DIAPH2: variants seen among roughly 807,000 people sequenced by gnomAD.
The protein encoded by DIAPH2 is protein diaphanous homolog 2.
DIAPH2 carries 35 observed loss-of-function variants against 92.7 expected under a neutral mutation model. The ratio of observed to expected loss-of-function variants is 0.38; its 90% CI spans 0.29 to 0.50. The LOEUF (loss-of-function observed/expected upper bound fraction) is 0.50, where lower values mean the gene tolerates loss of function less well. DIAPH2 is among the 20% of genes least tolerant of loss of function. The pLI, the probability that DIAPH2 is intolerant of heterozygous loss-of-function variation, is 0.94. For synonymous variants in DIAPH2, 301 were observed against 280.4 expected (o/e 1.07, Z -0.73); for missense variants, 701 against 819.5 (o/e 0.86, Z 1.77).
intron 15 of DIAPH2, 115 bp from the exon 16 acceptor site, chrX:96,957,713 A>G (rs2065820679): frequency 3.5e-6 from 2 of 574,136 alleles, no homozygotes; most frequent in South Asian, 3.3e-5. Context: ...CTAAAAAAGT[A>G]TATATGATCT....
chrX:97,158,344 TC>T (rs1338429147), intron 22 of DIAPH2, among the ~76,000 whole-genome samples: 2 of 97,960 alleles, frequency 2.0e-5, no homozygotes, highest in African/African-American at 8.8e-5. Context: ...GGTTCTATTG[TC>T]TTGTCCAGAT....
intron 22 of DIAPH2, among the ~76,000 whole-genome samples, chrX:97,161,043 G>T (rs796376195): frequency 4.1e-4 from 34 of 83,168 alleles, no homozygotes; most frequent in African/African-American, 9.7e-4. Context: ...TTTGTTTTTT[G>T]TTTTTTTGTT....
chrX:97,499,562 A>G (rs2070781031), intron 26 of DIAPH2, among the ~76,000 whole-genome samples: 1 of 111,838 alleles, frequency 8.9e-6, no homozygotes, highest in Non-Finnish European at 1.9e-5. Context: ...AACTAAAAAT[A>G]GACCTACCAT....
chrX:97,601,753 C>T lies in DIAPH2; in HGVS notation c.*2436C>T, dbSNP rs1380254660. On this transcript the variant is annotated 3_prime_UTR_variant, in exon 27 of 27. Transcript: ENST00000324765. Reference sequence around the variant, plus strand: ...AACAACTAATTGCATCCATCATCTCCTTTGGCTGCTGTAACAAATTACCAC... The same window carrying T: ...AACAACTAATTGCATCCATCATCTCTTTTGGCTGCTGTAACAAATTACCAC... 1.8e-5 allele frequency: 2 copies of T among 112,138 alleles called. No individual in the cohort carries two copies. Among genetic ancestry groups the T allele is most frequent in the Non-Finnish European group, 3.8e-5 (2 of 53,255 alleles). 9.2% of individuals were successfully genotyped at this position (112,138 alleles called of 1,213,427 possible).
chrX:96,814,042 C>G (rs776266608), intron 4 of DIAPH2, among the ~76,000 whole-genome samples: 1 of 110,967 alleles, frequency 9.0e-6, no homozygotes, highest in Non-Finnish European at 1.9e-5. Context: ...GTGGTGTTCT[C>G]TGTGTTTCCT....
chrX:96,879,712 T>C lies in DIAPH2; in HGVS notation c.448-1867T>C, dbSNP rs1248659977. Among the ~76,000 whole-genome samples, 3 of 111,302 alleles carry C rather than the reference T, an allele frequency of 2.7e-5. No individual in the cohort carries two copies. In the South Asian group the frequency reaches 1.2e-3, roughly 44 times the overall value. On this transcript the variant is annotated intron_variant, in intron 4 of 26. Coordinates refer to ENST00000324765, the MANE Select transcript of DIAPH2 (RefSeq NM_006729.5). The stretch of plus-strand genomic sequence containing the variant: ...TTTACTTACTGTGCCATTTAGGTGA[T>C]GATGATTCATCCAGTATACTTTTTT...
At chrX:97,072,830 T>A (rs1428068833) in intron 17 of DIAPH2, 111 bp from the exon 18 acceptor site, 30 of 435,214 alleles carry the variant, frequency 6.9e-5, no homozygotes, top group Non-Finnish European at 3.1e-5. Flanking sequence ...TCAACACATT[T>A]ATTGATTTCA....
intron 21 of DIAPH2, among the ~76,000 whole-genome samples, chrX:97,122,789 T>C (rs1048463569): frequency 4.5e-4 from 50 of 111,397 alleles, no homozygotes; most frequent in African/African-American, 1.6e-3. Context: ...TTTATTTTTC[T>C]CCTTGGGGGT....
At chrX:96,884,451 A>G in intron 5 of DIAPH2, 1 of 1,211,327 alleles carries the variant, frequency 8.3e-7, no homozygotes, top group Non-Finnish European at 1.1e-6. Context: ...AGGACGTTGT[A>G]CCGTGTAATG....
chrX:96,962,442 CATAT>C (rs1175762704), intron 16 of DIAPH2, among the ~76,000 whole-genome samples: 2 of 55,561 alleles, frequency 3.6e-5, no homozygotes, highest in African/African-American at 1.7e-4. Context: ...TATATATATA[CATAT>C]ATACACACAC....
chrX:97,552,656 A>G (rs1217739074), intron 26 of DIAPH2, among the ~76,000 whole-genome samples: 1 of 109,810 alleles, frequency 9.1e-6, no homozygotes, highest in Non-Finnish European at 1.9e-5. Flanking sequence ...TTTTAATGAT[A>G]GTATAACTGC....
chrX:97,025,606 C>A (rs987714746), intron 17 of DIAPH2, among the ~76,000 whole-genome samples: 20 of 101,916 alleles, frequency 2.0e-4, no homozygotes, highest in Non-Finnish European at 3.8e-4. Context: ...GGGCCGAGAT[C>A]GCGCCACTGC....
At chrX:96,842,666 A>T (rs2147703346) in intron 4 of DIAPH2, among the ~76,000 whole-genome samples, 1 of 112,017 alleles carries the variant, frequency 8.9e-6, no homozygotes, top group African/African-American at 3.2e-5. Context: ...GATTAAATGA[A>T]ACTAAGTAAA....
chrX:97,197,685 G>A (rs1230728074), intron 22 of DIAPH2, among the ~76,000 whole-genome samples: 1 of 111,776 alleles, frequency 8.9e-6, no homozygotes, highest in Non-Finnish European at 1.9e-5. Flanking sequence ...CAGTTCTCTT[G>A]TTTACCAGGG....
At chrX:96,770,943 C>T (rs2064334871) in intron 4 of DIAPH2, among the ~76,000 whole-genome samples, 1 of 111,745 alleles carries the variant, frequency 8.9e-6, no homozygotes, top group African/African-American at 3.2e-5. Flanking sequence ...GTACATTATA[C>T]TTATTTTGGA....
intron 26 of DIAPH2, among the ~76,000 whole-genome samples, chrX:97,470,515 G>T (rs916804774): frequency 1.4e-4 from 16 of 110,440 alleles, no homozygotes; most frequent in African/African-American, 4.0e-4. Context: ...TTACATATTC[G>T]TATTCTACTA....
In DIAPH2 at chrX:97,491,419, TA is replaced by T. The variant is rs1276368112; in HGVS notation, c.3241+61675del. On this transcript the variant is annotated intron_variant, in intron 26 of 26. Transcript: ENST00000324765. ...TCCATTTGCATTTATTTATTTATTT[TA>T]TTTTTTTTGAGACAGAGTCTTGTTC... is the stretch of plus-strand genomic sequence containing the variant. 3.6e-5 allele frequency among the ~76,000 whole-genome samples: 4 copies of T among 111,680 alleles called. No homozygotes were observed. The East Asian group carries it at 1.1e-3, about 31-fold the overall frequency.
intron 20 of DIAPH2, among the ~76,000 whole-genome samples, chrX:97,103,582 C>A (rs981380046): frequency 8.9e-6 from 1 of 111,827 alleles, no homozygotes; most frequent in Non-Finnish European, 1.9e-5. Flanking sequence ...TTAGCCCAAG[C>A]CAGAATCATC....
chrX:96,785,993 A>G (rs891671815), intron 4 of DIAPH2, among the ~76,000 whole-genome samples: 1 of 111,806 alleles, frequency 8.9e-6, no homozygotes, highest in Non-Finnish European at 1.9e-5. Flanking sequence ...GAGCAAATGG[A>G]AGAGCAGAGG....
Sources: allele counts gnomAD v4.1 joint callset (sites outside exome capture counted in the v4.1 genomes callset), GRCh38; gene constraint gnomAD v4.1.1; transcripts MANE v1.5; gene names NCBI Gene and HGNC (gene_info 2026-07-23, HGNC 2026-07-21).